Variants in PTPRS observed in about 807,000 individuals in gnomAD.
PTPRS encodes the protein receptor-type tyrosine-protein phosphatase S.
In PTPRS, 63 loss-of-function variants were observed where a neutral mutation model predicts 215.3. That is an observed-to-expected ratio of 0.29 (90% CI 0.24 to 0.36). The LOEUF is 0.36. PTPRS is among the 10% of genes least tolerant of loss of function. The probability of loss-of-function intolerance (pLI) is 1.00; values close to 1 mark genes in which losing one functional copy is unlikely to be tolerated. For missense variants in PTPRS, 2,258 were observed against 2,825.8 expected (o/e 0.80, Z 4.56); for synonymous variants, 1,404 against 1,191.4 (o/e 1.18, Z -3.68).
chr19:5,278,204 G>C (rs1303179216), intron 2 of PTPRS: 1 of 366,514 alleles, frequency 2.7e-6, no homozygotes, highest in Admixed American at 4.3e-5. Flanking sequence ...AAAAAAGGGA[G>C]TGGGGGGTGG....
intron 13 of PTPRS, among the ~76,000 whole-genome samples, chr19:5,234,645 A>G (rs1404551086): frequency 1.3e-5 from 2 of 152,224 alleles, no homozygotes; most frequent in African/African-American, 2.4e-5. Context: ...CTCTCTCAGA[A>G]AACAGTAGTA....
At position 5,287,964 on chromosome 19, in the gene PTPRS, GCACACACACACACACACACACACACACA is replaced by G. The variant is rs3042434; in HGVS notation, c.-94-1758_-94-1731del. 7.5e-6 allele frequency among the ~76,000 whole-genome samples: 1 copy of G among 133,264 alleles called. No individual in the cohort carries two copies. Among genetic ancestry groups the G allele is most frequent in the African/African-American group, 2.8e-5 (1 of 35,532 alleles). 87.4% of individuals were successfully genotyped at this position (133,264 alleles called of 152,430 possible). A position where few individuals can be genotyped will look rare whatever the true frequency, so the allele number is the denominator to read the frequency against. On this transcript the variant is annotated intron_variant, in intron 1 of 37. Coordinates refer to ENST00000262963, the MANE Select transcript of PTPRS (RefSeq NM_002850.4). This position sits in a 1 kb window ranked among gnomAD's most constrained non-coding sequence, Gnocchi z 4.8. The stretch of plus-strand genomic sequence containing the variant: ...TCACACAGTCAGGCAGCAGAGACGG[GCACACACACACACACACACACACACACA>G]CACACACACACACACACAATCAGGC...
At chr19:5,235,621 C>T (rs2043379455) in intron 13 of PTPRS, among the ~76,000 whole-genome samples, 1 of 152,154 alleles carries the variant, frequency 6.6e-6, no homozygotes, top group Admixed American at 6.5e-5. Flanking sequence ...TGTTGCCACC[C>T]ATGTTTTGAG....
At chr19:5,260,863 C>T (rs753995735) in intron 6 of PTPRS, 41 bp from the exon 7 acceptor site, 19 of 1,545,126 alleles carry the variant, frequency 1.2e-5, no homozygotes, top group Non-Finnish European at 1.5e-5. Flanking sequence ...TGTCACAAGG[C>T]GGTTGTTGGG....
At chr19:5,222,289 C>T (rs746803303) in intron 18 of PTPRS, 69 bp from the exon 19 acceptor site, 184 of 1,357,764 alleles carry the variant, frequency 1.4e-4, no homozygotes, top group Non-Finnish European at 1.8e-4. Context: ...CACTGGGTGG[C>T]GTGAAGCGGG....
At chr19:5,285,979 C>A in intron 2 of PTPRS, 71 bp downstream of exon 2, 2 of 1,444,690 alleles carry the variant, frequency 1.4e-6, no homozygotes, top group East Asian at 2.4e-5. Flanking sequence ...TGTGCCCACA[C>A]ACACACAGCC....
At chr19:5,222,361 G>GCCTGGC (rs1216062624) in intron 18 of PTPRS, 141 bp from the exon 19 acceptor site, 19 of 748,894 alleles carry the variant, frequency 2.5e-5, no homozygotes, top group South Asian at 4.9e-5. Flanking sequence ...CGGCCTTCCT[G>GCCTGGC]CCTGGCCCTG....
intron 9 of PTPRS, 124 bp downstream of exon 9, chr19:5,255,981 ATTT>A (rs34015774): frequency 1.6e-6 from 1 of 620,400 alleles, no homozygotes; most frequent in Non-Finnish European, 2.6e-6. Flanking sequence ...TCATTTTTCT[ATTT>A]TTTTTCCGTG....
At position 5,212,114 on chromosome 19, in the gene PTPRS, C is replaced by T. The variant is rs140615054; in HGVS notation, c.4906G>A (p.Asp1636Asn). ...GCCTCGTGGATGAAGCTGTACTGGT[C>T]CTCCGTCTGCACCATGTAGTTGCGC... ...SQRNYMVQTE[D>N]QYSFIHEALL... Residue 1636 changes from aspartate (D) to asparagine (N), a missense_variant, in exon 32 of 38, where the codon GAC becomes AAC. This residue lies in a region of PTPRS where 927 missense variants were observed against 1,125.9 expected (regional missense o/e 0.82). Coordinates refer to ENST00000262963, the MANE Select transcript of PTPRS (RefSeq NM_002850.4). 3.1e-6 allele frequency: 5 copies of T among 1,614,000 alleles called. No homozygotes were observed. Among genetic ancestry groups the T allele is most frequent in the Non-Finnish European group, 4.2e-6 (5 of 1,180,062 alleles).
intron 4 of PTPRS, among the ~76,000 whole-genome samples, chr19:5,270,939 T>C (rs1227808440): frequency 6.6e-6 from 1 of 152,164 alleles, no homozygotes; most frequent in Non-Finnish European, 1.5e-5. Flanking sequence ...GCACAGGGCC[T>C]GAGGGAGGGA....
At position 5,277,978 on chromosome 19, in the gene PTPRS, T is replaced by C. The variant is rs796876297; in HGVS notation, c.92-3634A>G. The C allele has an allele frequency of 1.7e-5, 24 of 1,445,080 alleles. No homozygotes were observed. In the African/African-American group the frequency reaches 3.2e-4, roughly 19 times the overall value. 89.5% of individuals were successfully genotyped at this position (1,445,080 alleles called of 1,614,324 possible). On this transcript the variant is annotated intron_variant, in intron 2 of 37. Coordinates refer to ENST00000262963, the MANE Select transcript of PTPRS (RefSeq NM_002850.4). ...TTCCGGAAGTTCCTGGTCCCCAGCGTCAAGGAGCTGGAAGTGCTGATGTGC... is the reference window on the plus strand; with the variant it reads ...TTCCGGAAGTTCCTGGTCCCCAGCGCCAAGGAGCTGGAAGTGCTGATGTGC...
At chr19:5,275,962 C>T (rs939088178) in intron 2 of PTPRS, among the ~76,000 whole-genome samples, 3 of 152,134 alleles carry the variant, frequency 2.0e-5, no homozygotes, top group Non-Finnish European at 4.4e-5. Context: ...GCAATCCTCC[C>T]ACTTCAGCCT....
chr19:5,252,969 A>G (rs2045265766), intron 9 of PTPRS, among the ~76,000 whole-genome samples: 1 of 151,998 alleles, frequency 6.6e-6, no homozygotes, highest in Non-Finnish European at 1.5e-5. Context: ...AGGGTGGCAA[A>G]CCATTTACAT....
chr19:5,210,791 T>C lies in PTPRS; in HGVS notation c.5249A>G (p.Tyr1750Cys), dbSNP rs2040799756. 1 of 1,613,952 alleles carries C rather than the reference T, an allele frequency of 6.2e-7. No homozygotes were observed. Among genetic ancestry groups the C allele is most frequent in the Non-Finnish European group, 8.5e-7 (1 of 1,180,028 alleles). The change falls in exon 34 of 38, where the codon TAC becomes TGC. Residue 1750 changes from tyrosine to cysteine, a missense_variant. This residue lies in a region of PTPRS where 927 missense variants were observed against 1,125.9 expected (regional missense o/e 0.82). Coordinates refer to ENST00000262963, the MANE Select transcript of PTPRS (RefSeq NM_002850.4). The surrounding 1 kb of genome is among the most constrained non-coding windows in gnomAD (Gnocchi z 4.5). ...FIDGYRQQKA[Y>C]IATQGPLAET... ...CGCCAGCGGCCCCTGTGTCGCGATG[T>C]AGGCCTTCTGCTGCCTGCAGGCGTT...
chr19:5,305,746 A>AATAT (rs150998094), intron 1 of PTPRS, among the ~76,000 whole-genome samples: 1,853 of 105,676 alleles, frequency 0.018, 34 homozygotes, highest in Non-Finnish European at 0.022. Flanking sequence ...TAAATAAATA[A>AATAT]ATATATATAT....
At chr19:5,304,028 T>C (rs1053961244) in intron 1 of PTPRS, among the ~76,000 whole-genome samples, 1 of 151,912 alleles carries the variant, frequency 6.6e-6, no homozygotes, top group African/African-American at 2.4e-5. Context: ...ATTTGAGGAA[T>C]GAAAAACTGT....
In PTPRS at chr19:5,211,690, C is replaced by T. The variant is rs764289589; in HGVS notation, c.5134G>A (p.Val1712Met). 5.6e-6 allele frequency: 9 copies of T among 1,614,114 alleles called. No individual in the cohort carries two copies. The highest frequency in any genetic ancestry group is 7.6e-6 in the Non-Finnish European group (9 of 1,180,028). The change falls in exon 33 of 38, where the codon GTG (valine) becomes ATG (methionine). Residue 1712 changes from valine to methionine, a missense_variant. By Grantham distance (21) the Val-to-Met change is conservative. Around this residue, in one of 6 missense-constraint regions of PTPRS, gnomAD observed 927 missense variants for 1,125.9 expected, o/e 0.82. Coordinates refer to ENST00000262963, the MANE Select transcript of PTPRS (RefSeq NM_002850.4). ...LPCNKFKNRL[V>M]NIMPYESTRV... ...GTGCTCTCATAGGGCATGATGTTCA[C>T]CAGGCGGTTCTTGAACTTGTTACAA...
In PTPRS at chr19:5,258,724, T is replaced by A. The variant is rs540813501; in HGVS notation, c.596-597A>T. Among the ~76,000 whole-genome samples, 10 of 152,320 alleles carry A rather than the reference T, an allele frequency of 6.6e-5. No homozygotes were observed. The South Asian group carries it at 2.1e-3, about 32-fold the overall frequency. Reference sequence around the variant, plus strand: ...GTACTTCTTCAGGTGTGTTTGAAATTTCAGGATTAGGTTATACCCTGAGGC... The same window carrying A: ...GTACTTCTTCAGGTGTGTTTGAAATATCAGGATTAGGTTATACCCTGAGGC... On this transcript the variant is annotated intron_variant, in intron 7 of 37. Coordinates refer to ENST00000262963, the MANE Select transcript of PTPRS (RefSeq NM_002850.4).
chr19:5,315,751 T>C (rs2049856515), intron 1 of PTPRS, among the ~76,000 whole-genome samples: 2 of 150,700 alleles, frequency 1.3e-5, no homozygotes, highest in Admixed American at 6.6e-5. Context: ...TTCAGCCTTC[T>C]GAGGAGCTCG....
Sources: gnomAD v4.1 joint callset for allele counts (sites outside exome capture counted in the v4.1 genomes callset) on GRCh38, gnomAD v4.1.1 for gene constraint, gnomAD v4.1.1 regional missense constraint, Gnocchi (gnomAD v3.1) non-coding constraint, MANE v1.5 for transcripts, NCBI Gene and HGNC (gene_info 2026-07-23, HGNC 2026-07-21) for gene names.